Variants in CTNNA2 observed in about 807,000 individuals in gnomAD.
CTNNA2 encodes catenin alpha 2, also known as catenin alpha-2.
A neutral mutation model predicts 101.0 loss-of-function variants in CTNNA2; 42 were observed. That is an observed-to-expected ratio of 0.42 (90% CI 0.32 to 0.54). The LOEUF (loss-of-function observed/expected upper bound fraction) is 0.54, where lower values mean the gene tolerates loss of function less well. Among genes scored for constraint, CTNNA2 ranks in the 20% least tolerant of loss-of-function variants. The pLI, the probability that CTNNA2 is intolerant of heterozygous loss-of-function variation, is 0.14. For missense variants in CTNNA2, 871 were observed against 1,223.1 expected, an observed-to-expected ratio of 0.71 and a Z score of 4.29; for synonymous variants, 450 against 456.4, an observed-to-expected ratio of 0.99 and a Z score of 0.18.
chr2:79,874,375 G>A (rs756309791), intron 6 of CTNNA2, 33 bp downstream of exon 6: 5 of 1,592,092 alleles, frequency 3.1e-6, no homozygotes, highest in Non-Finnish European at 4.3e-6. Flanking sequence ...CAGAGGGGTG[G>A]GCACTGGTGT....
intron 4 of CTNNA2, among the ~76,000 whole-genome samples, chr2:79,482,160 T>C (rs972926532): frequency 6.6e-6 from 1 of 152,150 alleles, no homozygotes; most frequent in Admixed American, 6.6e-5. Flanking sequence ...CAGTTGACGG[T>C]TCATAACAAT....
At chr2:79,791,191 T>C (rs1281754654) in intron 3 of CTNNA2, among the ~76,000 whole-genome samples, 2 of 152,160 alleles carry the variant, frequency 1.3e-5, no homozygotes. Flanking sequence ...AAAAAGGCCA[T>C]TCAAGATCTG....
chr2:79,846,254 G>A (rs1680223044), intron 3 of CTNNA2, among the ~76,000 whole-genome samples: 1 of 152,080 alleles, frequency 6.6e-6, no homozygotes, highest in South Asian at 2.1e-4. Flanking sequence ...TTGTTCCTGT[G>A]CTTTGTTTAG....
At chr2:79,417,536 G>A (rs1366732194) in intron 4 of CTNNA2, among the ~76,000 whole-genome samples, 2 of 152,098 alleles carry the variant, frequency 1.3e-5, no homozygotes, top group Non-Finnish European at 2.9e-5. Flanking sequence ...ATACTTCAAA[G>A]ATTAATTGAG....
At chr2:80,424,049 G>A (rs560406871) in intron 9 of CTNNA2, among the ~76,000 whole-genome samples, 30 of 151,982 alleles carry the variant, frequency 2.0e-4, no homozygotes, top group African/African-American at 6.5e-4. Flanking sequence ...TCCACCTCCC[G>A]GGTTCCAGCA....
intron 6 of CTNNA2, among the ~76,000 whole-genome samples, chr2:79,877,950 A>G (rs541787680): frequency 6.6e-6 from 1 of 152,112 alleles, no homozygotes; most frequent in South Asian, 2.1e-4. Context: ...TGACCCATCC[A>G]CTAAGTTCCC....
chr2:80,494,617 TG>T (rs1300430670), intron 9 of CTNNA2, among the ~76,000 whole-genome samples: 1 of 135,658 alleles, frequency 7.4e-6, no homozygotes, highest in Non-Finnish European at 1.6e-5. Flanking sequence ...GGTCATGATG[TG>T]GAAAAGAGAT....
intron 4 of CTNNA2, among the ~76,000 whole-genome samples, chr2:79,447,986 G>A (rs1304600521): frequency 6.6e-6 from 1 of 152,034 alleles, no homozygotes; most frequent in Non-Finnish European, 1.5e-5. Context: ...TGGTAGGAAT[G>A]GGGAAAGGAA....
chr2:80,240,546 A>G (rs890898525), intron 7 of CTNNA2, among the ~76,000 whole-genome samples: 5 of 152,150 alleles, frequency 3.3e-5, no homozygotes, highest in African/African-American at 9.7e-5. Flanking sequence ...TTTGGCTCCC[A>G]TGGTACATTA....
intron 4 of CTNNA2, among the ~76,000 whole-genome samples, chr2:79,432,829 A>G (rs928429050): frequency 1.3e-5 from 2 of 152,208 alleles, no homozygotes; most frequent in Non-Finnish European, 2.9e-5. Context: ...TTGTACTTTC[A>G]TCTACTCCCC....
rs1696192951 is a variant in CTNNA2, at chr2:80,588,828, G to A, written c.2008-476G>A. 2.0e-5 allele frequency among the ~76,000 whole-genome samples: 3 copies of A among 152,174 alleles called. No individual in the cohort carries two copies. The South Asian group carries it at 6.2e-4, about 32-fold the overall frequency. On this transcript the variant is annotated intron_variant, in intron 14 of 18. Transcript: ENST00000402739. ...CCTTCACTTACACTCATAGAAAGTA[G>A]CCCCATCCTCCCCCACTTGGATGCT... is the stretch of plus-strand genomic sequence containing the variant.
intron 3 of CTNNA2, among the ~76,000 whole-genome samples, chr2:79,329,084 T>A (rs898810947): frequency 3.3e-5 from 5 of 152,296 alleles, no homozygotes; most frequent in Middle Eastern, 3.4e-3. Flanking sequence ...TCATCTTAAC[T>A]TGTTTACATA....
chr2:79,538,747 T>C (rs1423163940), intron 1 of CTNNA2, among the ~76,000 whole-genome samples: 1 of 152,152 alleles, frequency 6.6e-6, no homozygotes, highest in Non-Finnish European at 1.5e-5. Context: ...GGAACAGATT[T>C]TATATGGTCT....
At chr2:80,345,789 T>C (rs1221395749) in intron 7 of CTNNA2, among the ~76,000 whole-genome samples, 1 of 152,222 alleles carries the variant, frequency 6.6e-6, no homozygotes, top group Non-Finnish European at 1.5e-5. Flanking sequence ...ACATAATTTG[T>C]ACTAAAATTC....
chr2:79,385,762 C>G (rs951723072), intron 4 of CTNNA2, among the ~76,000 whole-genome samples: 1 of 152,014 alleles, frequency 6.6e-6, no homozygotes, highest in African/African-American at 2.4e-5. Flanking sequence ...CGACTCCCAC[C>G]TATGAGTGAG....
At chr2:80,519,636 C>G (rs1045282340) in intron 9 of CTNNA2, among the ~76,000 whole-genome samples, 4 of 152,226 alleles carry the variant, frequency 2.6e-5, no homozygotes, top group Non-Finnish European at 5.9e-5. Flanking sequence ...TTCTGACCTC[C>G]TCTGAATTCC....
chr2:80,255,242 A>C (rs1298136211), intron 7 of CTNNA2, among the ~76,000 whole-genome samples: 1 of 152,176 alleles, frequency 6.6e-6, no homozygotes, highest in African/African-American at 2.4e-5. Flanking sequence ...CACCCACAGT[A>C]TCTGTTTGAA....
Position 79,412,185 on chromosome 2 carries a change from G to T in CTNNA2, c.-135+38172G>T, listed in dbSNP as rs571570328. Among the ~76,000 whole-genome samples, 769 of 152,276 alleles carry T rather than the reference G, an allele frequency of 5.1e-3. 3 individuals carry two copies. Among genetic ancestry groups the T allele is most frequent in the Non-Finnish European group, 8.0e-3 (545 of 68,020 alleles). ...AATGGTAAAGGGATGAATTCAACAA[G>T]AAGAGCTAACTATCCGAAATATATA... is the stretch of plus-strand genomic sequence containing the variant. On this transcript the variant is annotated intron_variant, in intron 4 of 21. Coordinates refer to the CTNNA2 transcript ENST00000466387.
chr2:79,360,400 T>C (rs956864036), intron 3 of CTNNA2, among the ~76,000 whole-genome samples: 1 of 152,208 alleles, frequency 6.6e-6, no homozygotes, highest in Non-Finnish European at 1.5e-5. Flanking sequence ...ATATATATTC[T>C]GGTCACAGTC....
Sources: allele counts gnomAD v4.1 joint callset (sites outside exome capture counted in the v4.1 genomes callset), GRCh38; gene constraint gnomAD v4.1.1; transcripts MANE v1.5; gene names NCBI Gene and HGNC (gene_info 2026-07-23, HGNC 2026-07-21).